Variants in CASK observed in about 807,000 individuals in gnomAD.
CASK encodes the protein peripheral plasma membrane protein CASK.
A neutral mutation model predicts 82.9 loss-of-function variants in CASK; 4 were observed. That is an observed-to-expected ratio of 0.05 (90% confidence interval 0.02 to 0.11). The LOEUF is 0.11. Among genes scored for constraint, CASK ranks in the 10% least tolerant of loss-of-function variants. The pLI, the probability that CASK is intolerant of heterozygous loss-of-function variation, is 1.00. For missense variants in CASK, 358 were observed against 720.9 expected (o/e 0.50, Z 5.76); for synonymous variants, 259 against 253.5 (o/e 1.02, Z -0.20).
At chrX:41,920,557 T>C (rs1251201303) in intron 1 of CASK, among the ~76,000 whole-genome samples, 1 of 112,154 alleles carries the variant, frequency 8.9e-6, no homozygotes, top group East Asian at 2.8e-4. Context: ...CAGTTCATAG[T>C]AGTTAAGGTA....
rs928531087 is a variant in CASK, at chrX:41,708,359, TAAAG to T, written c.429+31021_429+31024del. The stretch of plus-strand genomic sequence containing the variant: ...ATCAATTTCTATGATTAAAAAAAGT[TAAAG>T]AAAAACTAAAAGATACAGTAATAAA... On this transcript the variant is annotated intron_variant, in intron 5 of 26. Transcript: ENST00000378163. Among the ~76,000 whole-genome samples the T allele has an allele frequency of 8.2e-4, 92 of 112,000 alleles. 1 individual carries two copies. The highest frequency in any genetic ancestry group is 8.0e-3 in the Admixed American group (84 of 10,564).
chrX:41,691,281 G>C (rs772882445), intron 5 of CASK, among the ~76,000 whole-genome samples: 1 of 111,739 alleles, frequency 8.9e-6, no homozygotes, highest in Non-Finnish European at 1.9e-5. Flanking sequence ...CAATCATTCT[G>C]ATGAATGATT....
intron 16 of CASK, chrX:41,562,603 GA>G (rs1472152263): frequency 9.0e-6 from 1 of 111,415 alleles, no homozygotes; most frequent in Non-Finnish European, 1.9e-5. Context: ...TGTTAAGTGT[GA>G]AAAGTAACAG....
chrX:41,840,587 T>C (rs1465243364), intron 2 of CASK, among the ~76,000 whole-genome samples: 2 of 112,224 alleles, frequency 1.8e-5, no homozygotes, highest in Non-Finnish European at 3.8e-5. Flanking sequence ...TCATGTCTTA[T>C]TGCATTAGCA....
At chrX:41,527,176 G>GGAGAGAGAGACGGGGACA (rs1215025616) in intron 25 of CASK, among the ~76,000 whole-genome samples, 149 of 108,827 alleles carry the variant, frequency 1.4e-3, no homozygotes, top group Non-Finnish European at 2.4e-3. Flanking sequence ...TCTGGGATTC[G>GGAGAGAGAGACGGGGACA]GAGAGAGAGA....
At chrX:41,731,984 C>T (rs1348821719) in intron 5 of CASK, among the ~76,000 whole-genome samples, 1 of 104,559 alleles carries the variant, frequency 9.6e-6, no homozygotes, top group African/African-American at 3.5e-5. Flanking sequence ...CTATGTTGCC[C>T]AGGCTGGTCT....
At position 41,534,982 on chromosome X, in the gene CASK, C is replaced by T; in HGVS notation, c.2156-9G>A. ...ATCTAATTGATCAAACACTAAAACG[C>T]AAAGATTTAGAAGAAAGGTAAATTT... On this transcript the variant is annotated splice_polypyrimidine_tract_variant and intron_variant, in intron 22 of 26. Transcript: ENST00000378163. The T allele has an allele frequency of 9.0e-7, 1 of 1,110,350 alleles. No individual in the cohort carries two copies. 91.5% of individuals were successfully genotyped at this position (1,110,350 alleles called of 1,213,427 possible).
chrX:41,532,216 G>A (rs1289825917), intron 24 of CASK, among the ~76,000 whole-genome samples: 1 of 112,434 alleles, frequency 8.9e-6, no homozygotes, highest in African/African-American at 3.2e-5. Context: ...GATTACAGGT[G>A]TGAGCCACTG....
chrX:41,836,703 T>G (rs1343145162), intron 2 of CASK, among the ~76,000 whole-genome samples: 2 of 111,760 alleles, frequency 1.8e-5, no homozygotes, highest in African/African-American at 6.5e-5. Flanking sequence ...TATAGTATTT[T>G]GCATGACAAA....
chrX:41,888,794 T>C (rs1269929254), intron 1 of CASK, among the ~76,000 whole-genome samples: 1 of 105,687 alleles, frequency 9.5e-6, no homozygotes, highest in African/African-American at 3.4e-5. Context: ...TATGTGTATA[T>C]ATATGTATAT....
At chrX:41,848,978 T>G (rs1363845362) in intron 2 of CASK, among the ~76,000 whole-genome samples, 2 of 112,184 alleles carry the variant, frequency 1.8e-5, no homozygotes, top group Non-Finnish European at 3.8e-5. Context: ...AAGTTGATTC[T>G]GACATTTCTG....
At chrX:41,848,171 C>T (rs1376625989) in intron 2 of CASK, among the ~76,000 whole-genome samples, 2 of 112,006 alleles carry the variant, frequency 1.8e-5, no homozygotes, top group South Asian at 3.7e-4. Context: ...TGGCAAATGC[C>T]CCCAGAGGAA....
At chrX:41,766,250 A>G (rs2069113974) in intron 3 of CASK, among the ~76,000 whole-genome samples, 1 of 112,172 alleles carries the variant, frequency 8.9e-6, no homozygotes, top group Non-Finnish European at 1.9e-5. Flanking sequence ...AAGTGCAAAG[A>G]AATCCTAATC....
intron 13 of CASK, chrX:41,587,478 G>C (rs775332070): frequency 5.6e-4 from 63 of 112,670 alleles, no homozygotes; most frequent in Admixed American, 1.3e-3. Flanking sequence ...GAATACACAA[G>C]TAATTTTTCT....
intron 5 of CASK, among the ~76,000 whole-genome samples, chrX:41,701,130 T>C (rs766152006): frequency 7.5e-4 from 82 of 109,795 alleles, no homozygotes; most frequent in South Asian, 1.2e-3. Context: ...AATAGTGCTG[T>C]GCCTATTTAA....
intron 5 of CASK, among the ~76,000 whole-genome samples, chrX:41,733,256 G>T (rs2068436267): frequency 9.2e-6 from 1 of 109,248 alleles, no homozygotes; most frequent in South Asian, 3.9e-4. Flanking sequence ...CCAAGGAGTT[G>T]ATTTCTTTTT....
At chrX:41,830,609 A>G (rs1030485790) in intron 2 of CASK, among the ~76,000 whole-genome samples, 12 of 108,070 alleles carry the variant, frequency 1.1e-4, no homozygotes, top group South Asian at 8.3e-4. Flanking sequence ...TCATGAAGTC[A>G]GTAGATCGAG....
chrX:41,816,382 A>C (rs941669669), intron 2 of CASK, among the ~76,000 whole-genome samples: 2 of 111,500 alleles, frequency 1.8e-5, no homozygotes, highest in Non-Finnish European at 3.8e-5. Flanking sequence ...TAGGCAGAAA[A>C]TGAATGAGGA....
chrX:41,715,951 G>A (rs1479309140), intron 5 of CASK, among the ~76,000 whole-genome samples: 4 of 112,136 alleles, frequency 3.6e-5, no homozygotes, highest in South Asian at 7.4e-4. Context: ...GGTTTTGACA[G>A]GAGTAGACAC....
Sources: gnomAD v4.1 joint callset for allele counts (sites outside exome capture counted in the v4.1 genomes callset) on GRCh38, gnomAD v4.1.1 for gene constraint, MANE v1.5 for transcripts, NCBI Gene and HGNC (gene_info 2026-07-23, HGNC 2026-07-21) for gene names.